RIT2: variants seen among roughly 807,000 people sequenced by gnomAD.
RIT2 encodes the protein GTP-binding protein Rit2.
RIT2 carries 24 observed loss-of-function variants against 23.7 expected under a neutral mutation model. That is an observed-to-expected ratio of 1.01 (90% CI 0.73 to 1.43). RIT2 has a LOEUF of 1.43. Among genes scored for constraint, RIT2 ranks in the 40% most tolerant of loss-of-function variants. The pLI is 0.00. For synonymous variants in RIT2, 107 were observed against 91.1 expected, an observed-to-expected ratio of 1.17 and a Z score of -0.99; for missense variants, 236 against 266.9, an observed-to-expected ratio of 0.88 and a Z score of 0.81.
chr18:43,010,236 G>A (rs1911320937), intron 2 of RIT2, among the ~76,000 whole-genome samples: 1 of 151,736 alleles, frequency 6.6e-6, no homozygotes, highest in Non-Finnish European at 1.5e-5. Flanking sequence ...CTTATAATGA[G>A]CCGTTTTTGT....
At chr18:42,787,261 A>G (rs538700749) in intron 4 of RIT2, among the ~76,000 whole-genome samples, 3 of 151,568 alleles carry the variant, frequency 2.0e-5, no homozygotes, top group South Asian at 2.1e-4. Context: ...TAGTTTGCTG[A>G]GAATGATGGT....
intron 1 of RIT2, 89 bp from the exon 2 acceptor site, chr18:43,033,956 AG>A (rs1367975770): frequency 1.2e-6 from 1 of 867,664 alleles, no homozygotes; most frequent in Non-Finnish European, 1.8e-6. Flanking sequence ...ATCTTTTAAA[AG>A]GTTATGGTGA....
chr18:42,896,628 T>C (rs543176810), intron 4 of RIT2, among the ~76,000 whole-genome samples: 1 of 152,332 alleles, frequency 6.6e-6, no homozygotes, highest in African/African-American at 2.4e-5. Context: ...AGATTCTGCA[T>C]CCTCTTTTCA....
At chr18:42,746,666 T>A (rs1912923211) in intron 4 of RIT2, among the ~76,000 whole-genome samples, 1 of 152,062 alleles carries the variant, frequency 6.6e-6, no homozygotes, top group Admixed American at 6.6e-5. Context: ...TTGAAAGAAC[T>A]GGTAACAATC....
intron 4 of RIT2, among the ~76,000 whole-genome samples, chr18:42,849,404 A>G (rs1300895611): frequency 6.6e-6 from 1 of 152,186 alleles, no homozygotes; most frequent in Admixed American, 6.5e-5. Context: ...TTTAAATTTC[A>G]GTAGTGCCAC....
chr18:43,048,596 A>G (rs1912305425), intron 1 of RIT2, among the ~76,000 whole-genome samples: 1 of 152,190 alleles, frequency 6.6e-6, no homozygotes, highest in Non-Finnish European at 1.5e-5. Flanking sequence ...ATATGTAAAG[A>G]ACTTAAACTA....
chr18:43,115,649 G>A lies in RIT2; in HGVS notation c.-130C>T, dbSNP rs372056941. On this transcript the variant is annotated 5_prime_UTR_variant, in exon 1 of 5. It introduces an in-frame stop codon into an upstream open reading frame of the 5' UTR. Transcript: ENST00000326695. Reference sequence around the variant, plus strand: ...GTACGAGGTAAGAACCATCAGCGTCGGGCTGGCTGCTGGTCCTCCGCTCGA... The same window carrying A: ...GTACGAGGTAAGAACCATCAGCGTCAGGCTGGCTGCTGGTCCTCCGCTCGA... 4 of 1,319,678 alleles carry A rather than the reference G, an allele frequency of 3.0e-6. No homozygotes were observed. The highest frequency in any genetic ancestry group is 1.5e-5 in the African/African-American group (1 of 66,110). The allele number at this position is 1,319,678 out of a possible 1,614,324, so 81.7% of individuals were successfully genotyped here. A position where few individuals can be genotyped will look rare whatever the true frequency, so the allele number is the denominator to read the frequency against.
intron 4 of RIT2, among the ~76,000 whole-genome samples, chr18:42,869,610 T>A (rs760117961): frequency 2.6e-5 from 4 of 152,212 alleles, no homozygotes; most frequent in Non-Finnish European, 5.9e-5. Flanking sequence ...TTAGGCCTGA[T>A]GTAAAAGTTG....
chr18:42,990,007 A>ATG (rs1491471117), intron 2 of RIT2, among the ~76,000 whole-genome samples: 2 of 70,306 alleles, frequency 2.8e-5, no homozygotes, highest in African/African-American at 8.1e-5. Flanking sequence ...GTATTTACAG[A>ATG]TATGTGTGTG....
At chr18:42,907,057 AC>A (rs1225874429) in intron 4 of RIT2, among the ~76,000 whole-genome samples, 2 of 152,156 alleles carry the variant, frequency 1.3e-5, no homozygotes, top group African/African-American at 4.8e-5. Context: ...GTGTTTTATA[AC>A]AAAAATAAAA....
At chr18:42,939,596 T>C (rs1909544395) in intron 3 of RIT2, among the ~76,000 whole-genome samples, 2 of 152,116 alleles carry the variant, frequency 1.3e-5, no homozygotes, top group Admixed American at 1.3e-4. Context: ...CTGGTATTAC[T>C]ACTAAAAGAA....
intron 1 of RIT2, among the ~76,000 whole-genome samples, chr18:43,044,278 G>C (rs561192953): frequency 1.3e-5 from 2 of 152,104 alleles, no homozygotes; most frequent in Admixed American, 1.3e-4. Flanking sequence ...CCACTTTAAT[G>C]ACAGCTTTCA....
intron 3 of RIT2, among the ~76,000 whole-genome samples, chr18:42,958,278 G>A (rs1337911555): frequency 6.6e-6 from 1 of 152,144 alleles, no homozygotes; most frequent in Non-Finnish European, 1.5e-5. Flanking sequence ...CTATTGTTCT[G>A]TATAAAATGT....
rs1166373414 is a variant in RIT2 at position 42,755,864 on chromosome 18, A to G, written c.427-12144T>C. Among the ~76,000 whole-genome samples the G allele has an allele frequency of 2.0e-5, 3 of 152,186 alleles. No homozygotes were observed. In the South Asian group the frequency reaches 6.2e-4, roughly 32 times the overall value. ...GCACAGGGTACAGCACTGTGGTGGC[A>G]TTTACAAGTAATGCCCAGCCCTGTC... On this transcript the variant is annotated intron_variant, in intron 4 of 4. Transcript: ENST00000326695.
intron 4 of RIT2, among the ~76,000 whole-genome samples, chr18:42,802,741 T>C (rs1905577087): frequency 6.6e-6 from 1 of 152,242 alleles, no homozygotes; most frequent in African/African-American, 2.4e-5. Flanking sequence ...TTGATTCTTC[T>C]GACACTGCTG....
Position 42,974,154 on chromosome 18 carries a change from A to T in RIT2, c.161-7T>A. 1 of 1,592,386 alleles carries T rather than the reference A, an allele frequency of 6.3e-7. No individual in the cohort carries two copies. ...TGGGTCTTATAAGCATCTTCTGAAAAACACAAGACAACATTTACATTTAAA... is the reference window on the plus strand; with the variant it reads ...TGGGTCTTATAAGCATCTTCTGAAATACACAAGACAACATTTACATTTAAA... On this transcript the variant is annotated splice_polypyrimidine_tract_variant and splice_region_variant and intron_variant, in intron 2 of 4. Coordinates refer to ENST00000326695, the MANE Select transcript of RIT2 (RefSeq NM_002930.4).
chr18:42,837,147 C>CTTTTTTTTTT (rs1196949759), intron 4 of RIT2, among the ~76,000 whole-genome samples: 1 of 48,716 alleles, frequency 2.1e-5, no homozygotes, highest in Non-Finnish European at 4.7e-5. Context: ...CTTTTTTTTT[C>CTTTTTTTTTT]TTTTTCTTTT....
chr18:42,896,383 T>A (rs555296479), intron 4 of RIT2, among the ~76,000 whole-genome samples: 92 of 152,394 alleles, frequency 6.0e-4, no homozygotes, highest in African/African-American at 1.9e-3. Context: ...CCTTCTCTTG[T>A]ACAGCATGTC....
intron 4 of RIT2, chr18:42,920,820 C>G (rs1311629412): frequency 1.9e-6 from 2 of 1,073,348 alleles, no homozygotes; most frequent in South Asian, 2.5e-5. Context: ...CACCACTAAA[C>G]AATAGCACCA....
Sources: allele counts gnomAD v4.1 joint callset (sites outside exome capture counted in the v4.1 genomes callset), GRCh38; gene constraint gnomAD v4.1.1; transcripts MANE v1.5; gene names NCBI Gene and HGNC (gene_info 2026-07-23, HGNC 2026-07-21).